Variants in ANKRD30BL observed in about 807,000 individuals in gnomAD.
ANKRD30BL encodes ankyrin repeat domain 30B like, also known as putative ankyrin repeat domain-containing protein 30B-like.
ANKRD30BL carries 20 observed loss-of-function variants against 18.4 expected under a neutral mutation model. The ratio of observed to expected loss-of-function variants is 1.09; its 90% confidence interval spans 0.77 to 1.58. The LOEUF is 1.58. ANKRD30BL is among the 40% of genes most tolerant of loss of function. ANKRD30BL has a pLI of 0.00. For synonymous variants in ANKRD30BL, 72 were observed against 100.9 expected, an observed-to-expected ratio of 0.71 and a Z score of 1.72; for missense variants, 224 against 268.6, an observed-to-expected ratio of 0.83 and a Z score of 1.16.
exon 1 of ANKRD30BL, chr2:132,257,814 G>C (rs1346032391): frequency 6.5e-6 from 1 of 153,484 alleles, no homozygotes; most frequent in Admixed American, 6.5e-5. Flanking sequence ...GTCTGGGCAG[G>C]GGGCCTGGCC....
At chr2:132,234,094 T>C (rs1203786084) in intron 1 of ANKRD30BL, among the ~76,000 whole-genome samples, 1 of 152,042 alleles carries the variant, frequency 6.6e-6, no homozygotes, top group Non-Finnish European at 1.5e-5. Flanking sequence ...CTACTGGATA[T>C]TTAACGCTAT....
intron 1 of ANKRD30BL, among the ~76,000 whole-genome samples, chr2:132,198,760 G>A (rs1247939400): frequency 6.6e-6 from 1 of 151,950 alleles, no homozygotes; most frequent in Non-Finnish European, 1.5e-5. Flanking sequence ...TGGGATTACA[G>A]GCGCCCACCA....
chr2:132,171,024 C>T (rs1230525507), intron 1 of ANKRD30BL, among the ~76,000 whole-genome samples: 3 of 151,858 alleles, frequency 2.0e-5, no homozygotes, highest in Admixed American at 6.6e-5. Flanking sequence ...GGCGTGGTGG[C>T]GGGCGCCTGT....
chr2:132,256,413 A>C (rs1015996533), intron 1 of ANKRD30BL, among the ~76,000 whole-genome samples: 9 of 152,148 alleles, frequency 5.9e-5, no homozygotes, highest in African/African-American at 2.2e-4. Context: ...CCCATGTGCG[A>C]GGAGGCCGAC....
At position 132,201,210 on chromosome 2, in the gene ANKRD30BL, T is replaced by A. The variant is rs369829120; in HGVS notation, n.442-44064A>T. On this transcript the variant is annotated intron_variant and non_coding_transcript_variant, in intron 1 of 4. Coordinates refer to the ANKRD30BL transcript ENST00000470729. ...AAAAACCCTAGAAGAAAACCTAGGC[T>A]TTACCATTCAGGACATAGGCATGGG... is the stretch of plus-strand genomic sequence containing the variant. 1.6e-4 allele frequency among the ~76,000 whole-genome samples: 24 copies of A among 152,116 alleles called. No homozygotes were observed. The East Asian group carries it at 3.7e-3, about 23-fold the overall frequency.
At chr2:132,213,164 A>T (rs1314545350) in intron 1 of ANKRD30BL, among the ~76,000 whole-genome samples, 6 of 151,810 alleles carry the variant, frequency 4.0e-5, no homozygotes, top group African/African-American at 1.5e-4. Context: ...TTATAACTAG[A>T]CAAAAGCATT....
chr2:132,197,705 T>C (rs917929964), intron 1 of ANKRD30BL, among the ~76,000 whole-genome samples: 6 of 151,896 alleles, frequency 4.0e-5, no homozygotes, highest in Non-Finnish European at 7.4e-5. Flanking sequence ...CTTCTTATAG[T>C]AATTTTACTT....
intron 1 of ANKRD30BL, among the ~76,000 whole-genome samples, chr2:132,167,952 C>G (rs1229951883): frequency 6.6e-6 from 1 of 152,144 alleles, no homozygotes; most frequent in Non-Finnish European, 1.5e-5. Context: ...AAACAGTTAT[C>G]TTATGGGTCA....
intron 1 of ANKRD30BL, among the ~76,000 whole-genome samples, chr2:132,231,326 G>A (rs1283489328): frequency 1.3e-5 from 2 of 152,078 alleles, no homozygotes; most frequent in African/African-American, 4.8e-5. Flanking sequence ...GAATGTCGAA[G>A]GGGGAGGAGC....
intron 1 of ANKRD30BL, among the ~76,000 whole-genome samples, chr2:132,236,475 C>G (rs866007403): frequency 3.9e-5 from 6 of 152,038 alleles, no homozygotes; most frequent in African/African-American, 7.2e-5. Context: ...GACATGAACA[C>G]ATACTTCTCA....
chr2:132,156,419 G>A (rs1224389131), intron 3 of ANKRD30BL: 1 of 152,140 alleles, frequency 6.6e-6, no homozygotes, highest in African/African-American at 2.4e-5. Flanking sequence ...TTACCCAAAT[G>A]TACTATGAGA....
rs188801405 is a variant in ANKRD30BL at position 132,198,480 on chromosome 2, T to C, written n.442-41334A>G. ...CTGGTACTACAGGCATCCGCCACCA[T>C]GCCCCGCTAATTTTTTGCATCTTCA... On this transcript the variant is annotated intron_variant and non_coding_transcript_variant, in intron 1 of 4. Transcript: ENST00000470729. Among the ~76,000 whole-genome samples the C allele has an allele frequency of 1.4e-3, 213 of 151,864 alleles. 5 individuals are homozygous for C. The East Asian group carries it at 0.037, about 26-fold the overall frequency.
At chr2:132,248,544 T>C (rs572370527) in intron 1 of ANKRD30BL, among the ~76,000 whole-genome samples, 1 of 152,244 alleles carries the variant, frequency 6.6e-6, no homozygotes, top group South Asian at 2.1e-4. Flanking sequence ...ATGGTTCAAC[T>C]ATGTGAGATG....
intron 1 of ANKRD30BL, among the ~76,000 whole-genome samples, chr2:132,255,352 G>C (rs1452880863): frequency 6.6e-6 from 1 of 151,826 alleles, no homozygotes; most frequent in Non-Finnish European, 1.5e-5. Context: ...ATTATTCCAA[G>C]CTGCAGTATC....
At chr2:132,230,207 A>T (rs947294422) in intron 1 of ANKRD30BL, among the ~76,000 whole-genome samples, 4 of 151,962 alleles carry the variant, frequency 2.6e-5, no homozygotes, top group African/African-American at 9.7e-5. Flanking sequence ...AGAGTTGAAT[A>T]TACGTTTTCA....
In ANKRD30BL at chr2:132,212,575, CTT is replaced by C. The variant is rs1679384996; in HGVS notation, n.441+44952_441+44953del. The stretch of plus-strand genomic sequence containing the variant: ...TTTGATTGAGCAACTTGGAAACTCT[CTT>C]TTTGTAGAATCTGCTAGTGGACAAT... On this transcript the variant is annotated intron_variant and non_coding_transcript_variant, in intron 1 of 4. Transcript: ENST00000470729. 2.6e-5 allele frequency among the ~76,000 whole-genome samples: 4 copies of C among 152,074 alleles called. No homozygotes were observed. The Admixed American group carries it at 2.6e-4, about 10-fold the overall frequency.
At chr2:132,248,909 A>G (rs368554790) in intron 1 of ANKRD30BL, among the ~76,000 whole-genome samples, 1 of 151,564 alleles carries the variant, frequency 6.6e-6, no homozygotes, top group African/African-American at 2.4e-5. Flanking sequence ...ATGCACACAT[A>G]GCCATGAACT....
chr2:132,154,485 T>G (rs1259563066), intron 4 of ANKRD30BL, among the ~76,000 whole-genome samples, 177 bp downstream of exon 4: 1 of 152,178 alleles, frequency 6.6e-6, no homozygotes, highest in African/African-American at 2.4e-5. Context: ...CTGTATACTG[T>G]TCTTTGTGTT....
At chr2:132,181,025 T>G (rs1024391879) in intron 1 of ANKRD30BL, among the ~76,000 whole-genome samples, 2 of 152,124 alleles carry the variant, frequency 1.3e-5, no homozygotes, top group African/African-American at 4.8e-5. Context: ...CGGGCTGTAG[T>G]CCCAGCTACT....
Sources: allele counts gnomAD v4.1 joint callset (sites outside exome capture counted in the v4.1 genomes callset), GRCh38; gene constraint gnomAD v4.1.1; transcripts MANE v1.5; gene names NCBI Gene and HGNC (gene_info 2026-07-23, HGNC 2026-07-21).